Variants in RASD2 observed in about 807,000 individuals in gnomAD.
The protein encoded by RASD2 is RASD family member 2.
A neutral mutation model predicts 15.8 loss-of-function variants in RASD2; 7 were observed. The ratio of observed to expected loss-of-function variants is 0.44; its 90% CI spans 0.25 to 0.83. The LOEUF (loss-of-function observed/expected upper bound fraction) is 0.83. Among genes scored for constraint, RASD2 ranks in the 40% least tolerant of loss-of-function variants. The pLI, the probability that RASD2 is intolerant of heterozygous loss-of-function variation, is 0.20. For synonymous variants in RASD2, 155 were observed against 153.6 expected (o/e 1.01, Z -0.07); for missense variants, 274 against 382.8 (o/e 0.72, Z 2.37).
chr22:35,536,364 C>T (rs1348995911), upstream of RASD2, among the ~76,000 whole-genome samples: 1 of 149,560 alleles, frequency 6.7e-6, no homozygotes, highest in Admixed American at 6.7e-5. Flanking sequence ...CTCACTCTGT[C>T]GCCCAGGCTA....
At position 35,546,871 on chromosome 22, in the gene RASD2, G is replaced by T. The variant is rs756852748; in HGVS notation, c.62G>T (p.Arg21Leu). The T allele has an allele frequency of 6.2e-7, 1 of 1,613,490 alleles. No individual in the cohort carries two copies. Among genetic ancestry groups the T allele is most frequent in the African/African-American group, 1.3e-5 (1 of 74,888 alleles). Residue 21 changes from arginine to leucine, a missense_variant, in exon 2 of 3, where the codon CGC becomes CTC. Transcript: ENST00000216127. ...TLSVPAKNSY[R>L]MVVLGASRVG... ...AGTGTGCCCGCCAAAAACTCATACC[G>T]CATGGTGGTGCTGGGTGCCTCTCGG...
At position 35,551,920 on chromosome 22, in the gene RASD2, T is replaced by C; in HGVS notation, c.689T>C (p.Met230Thr). ...GTCAAGGAGATGGACGCCTATGGCATGGTCTCGCCCTTCGCCCGCCGCCCC... is the reference window on the plus strand; with the variant it reads ...GTCAAGGAGATGGACGCCTATGGCACGGTCTCGCCCTTCGCCCGCCGCCCC... ...RRVKEMDAYG[M>T]VSPFARRPSV... is the part of the protein sequence containing the mutation. Residue 230 changes from methionine (M) to threonine (T), a missense_variant, in exon 3 of 3, where the codon ATG becomes ACG. Physicochemically the swap from Met to Thr is moderately conservative, Grantham distance 81. Coordinates refer to ENST00000216127, the MANE Select transcript of RASD2 (RefSeq NM_014310.4). The surrounding 1 kb of genome is among the most constrained non-coding windows in gnomAD (Gnocchi z 4.9). The C allele has an allele frequency of 1.2e-6, 2 of 1,611,202 alleles. No homozygotes were observed. Among genetic ancestry groups the C allele is most frequent in the Non-Finnish European group, 8.5e-7 (1 of 1,180,018 alleles).
At chr22:35,534,721 A>G in the RASD2 span, among the ~76,000 whole-genome samples, 8 of 152,212 alleles carry the variant, frequency 5.3e-5, no homozygotes, top group Non-Finnish European at 5.9e-5. Flanking sequence ...GTGCAAGGGC[A>G]CTCAGCTGAG....
Position 35,552,530 on chromosome 22 carries a change from A to AC in RASD2, c.*503dup, listed in dbSNP as rs1458093673. On this transcript the variant is annotated 3_prime_UTR_variant, in exon 3 of 3. Transcript: ENST00000216127. ...TACGCTCTGGTTCAGCTGCCTCTGC[A>AC]CCCCCTCCCACCCCCAGCACACACA... The AC allele has an allele frequency of 6.5e-6, 1 of 154,054 alleles. No individual in the cohort carries two copies. The highest frequency in any genetic ancestry group is 6.4e-5 in the Admixed American group (1 of 15,530). 9.5% of individuals were successfully genotyped at this position (154,054 alleles called of 1,614,324 possible). A position where few individuals can be genotyped will look rare whatever the true frequency, so the allele number is the denominator to read the frequency against.
Position 35,552,022 on chromosome 22 carries a change from C to A in RASD2, c.791C>A (p.Thr264Asn). 6.3e-7 allele frequency: 1 copy of A among 1,595,608 alleles called. No homozygotes were observed. The highest frequency in any genetic ancestry group is 8.5e-7 in the Non-Finnish European group (1 of 1,176,708). The change falls in exon 3 of 3, where the codon ACC becomes AAC. Residue 264 changes from threonine to asparagine, a missense_variant. Physicochemically the swap from Thr to Asn is moderately conservative, Grantham distance 65. Transcript: ENST00000216127. ...EGQARERDKC[T>N]IQ ...CAGGCCCGTGAGAGGGACAAGTGCACCATCCAGTGAGCGAGGGATGCTGGG... is the reference window on the plus strand; with the variant it reads ...CAGGCCCGTGAGAGGGACAAGTGCAACATCCAGTGAGCGAGGGATGCTGGG...
Position 35,550,661 on chromosome 22 carries a change from A to G in RASD2, c.272-842A>G, listed in dbSNP as rs552986307. 3.3e-5 allele frequency among the ~76,000 whole-genome samples: 5 copies of G among 152,162 alleles called. No homozygotes were observed. In the South Asian group the frequency reaches 6.2e-4, roughly 19 times the overall value. ...AGGCCAGCACTCACTTTTTCATCCTATGATTTATTTGAGAAGCAGAGAGCA... is the reference window on the plus strand; with the variant it reads ...AGGCCAGCACTCACTTTTTCATCCTGTGATTTATTTGAGAAGCAGAGAGCA... On this transcript the variant is annotated intron_variant, in intron 2 of 2. Coordinates refer to ENST00000216127, the MANE Select transcript of RASD2 (RefSeq NM_014310.4).
chr22:35,539,352 A>T (rs764422593), upstream of RASD2, among the ~76,000 whole-genome samples: 1 of 151,924 alleles, frequency 6.6e-6, no homozygotes, highest in Non-Finnish European at 1.5e-5. Flanking sequence ...GCCCTCCCAG[A>T]CCCCTGCGTC....
intron 2 of RASD2, 126 bp downstream of exon 2, chr22:35,547,206 A>G: frequency 1.6e-6 from 2 of 1,238,672 alleles, no homozygotes; most frequent in South Asian, 1.5e-5. Context: ...TCCCTGCACA[A>G]TGAGGCTCAG....
chr22:35,551,375 C>G lies in RASD2; in HGVS notation c.272-128C>G. On this transcript the variant is annotated intron_variant, in intron 2 of 2. Coordinates refer to ENST00000216127, the MANE Select transcript of RASD2 (RefSeq NM_014310.4). The surrounding 1 kb of genome is among the most constrained non-coding windows in gnomAD (Gnocchi z 4.9). ...CGAAGAGTCGCTGTGTAGGTTAAAGCAGTTATGCCGCATAACTGCTTCAGG... is the reference window on the plus strand; with the variant it reads ...CGAAGAGTCGCTGTGTAGGTTAAAGGAGTTATGCCGCATAACTGCTTCAGG... 2.3e-6 allele frequency: 2 copies of G among 873,442 alleles called. No individual in the cohort carries two copies. Among genetic ancestry groups the G allele is most frequent in the Non-Finnish European group, 3.6e-6 (2 of 550,376 alleles). The allele number at this position is 873,442 out of a possible 1,614,324, so 54.1% of individuals were successfully genotyped here.
In RASD2 at chr22:35,546,982, A is replaced by T. The variant is rs370587965; in HGVS notation, c.173A>T (p.Lys58Met). Residue 58 changes from lysine to methionine, a missense_variant, in exon 2 of 3, where the codon AAG (lysine) becomes ATG (methionine). Transcript: ENST00000216127. ...CCCACCATCGAGGACTTCCACCGTA[A>T]GGTATACAACATCCGCGGCGACATG... Reference protein sequence around the residue: ...YTPTIEDFHRKVYNIRGDMYQ... With the variant: ...YTPTIEDFHRMVYNIRGDMYQ... 4.5e-5 allele frequency: 73 copies of T among 1,614,008 alleles called. No individual in the cohort carries two copies. The highest frequency in any genetic ancestry group is 6.0e-5 in the Non-Finnish European group (71 of 1,180,038).
upstream of RASD2, among the ~76,000 whole-genome samples, chr22:35,537,849 T>G (rs1284699230): frequency 6.6e-6 from 1 of 152,168 alleles, no homozygotes; most frequent in Non-Finnish European, 1.5e-5. Flanking sequence ...TGATTTGATT[T>G]TGCTGGAATG....
chr22:35,537,949 C>CT (rs34411242), upstream of RASD2, among the ~76,000 whole-genome samples: 271 of 140,630 alleles, frequency 1.9e-3, 1 homozygote, highest in East Asian at 0.01. Flanking sequence ...GACTTTATAT[C>CT]TTTTTTTTTT....
At chr22:35,533,532 GTGA>G in the RASD2 span, among the ~76,000 whole-genome samples, 1 of 151,868 alleles carries the variant, frequency 6.6e-6, no homozygotes, top group Non-Finnish European at 1.5e-5. Context: ...AATAATGATA[GTGA>G]TGATGGTGGT....
Position 35,546,936 on chromosome 22 carries a change from C to T in RASD2, c.127C>T (p.Arg43Cys), listed in dbSNP as rs368099253. 3.4e-5 allele frequency: 55 copies of T among 1,613,842 alleles called. No homozygotes were observed. The highest frequency in any genetic ancestry group is 3.3e-4 in the Middle Eastern group (2 of 6,084). The change falls in exon 2 of 3, where the codon CGC becomes TGC. Residue 43 changes from arginine to cysteine, a missense_variant. Transcript: ENST00000216127. ...SSIVSRFLNG[R>C]FEDQYTPTIE... Reference sequence around the variant, plus strand: ...CATCGTGTCTCGCTTCCTCAATGGCCGCTTTGAGGACCAGTACACACCCAC... The same window carrying T: ...CATCGTGTCTCGCTTCCTCAATGGCTGCTTTGAGGACCAGTACACACCCAC...
chr22:35,536,860 G>A (rs1040277915), upstream of RASD2, among the ~76,000 whole-genome samples: 5 of 152,170 alleles, frequency 3.3e-5, no homozygotes, highest in African/African-American at 1.2e-4. Context: ...CTGGTCCAGG[G>A]ACCACACTTT....
chr22:35,542,334 G>T (rs5750112), intron 1 of RASD2, among the ~76,000 whole-genome samples: 40,433 of 152,162 alleles, frequency 0.27, 8,070 homozygotes, highest in East Asian at 0.68. Flanking sequence ...AAAGAACCCA[G>T]CATGTGTTCA....
At chr22:35,537,773 C>T (rs1474722041), upstream of RASD2, among the ~76,000 whole-genome samples, 3 of 152,076 alleles carry the variant, frequency 2.0e-5, no homozygotes, top group Admixed American at 1.3e-4. Flanking sequence ...AAGGGTATCC[C>T]TGATAAGAAA....
At chr22:35,541,549 C>A (rs1934348580) in intron 1 of RASD2, 49 bp downstream of exon 1, 1 of 152,220 alleles carries the variant, frequency 6.6e-6, no homozygotes. Flanking sequence ...GTGGAGCAGC[C>A]GGGAAGAAAG....
intron 2 of RASD2, among the ~76,000 whole-genome samples, chr22:35,549,341 T>A (rs1318809101): frequency 6.6e-6 from 1 of 152,128 alleles, no homozygotes; most frequent in Non-Finnish European, 1.5e-5. Flanking sequence ...CACCAACCCG[T>A]GCCTCATTTT....
Sources: allele counts gnomAD v4.1 joint callset (sites outside exome capture counted in the v4.1 genomes callset), GRCh38; gene constraint gnomAD v4.1.1; non-coding constraint Gnocchi (gnomAD v3.1); transcripts MANE v1.5; gene names NCBI Gene and HGNC (gene_info 2026-07-23, HGNC 2026-07-21).